CSNK1G1: variants seen among roughly 807,000 people sequenced by gnomAD.
CSNK1G1 encodes casein kinase I isoform gamma-1.
In CSNK1G1, 22 loss-of-function variants were observed where a neutral mutation model predicts 59.6. The ratio of observed to expected loss-of-function variants is 0.37; its 90% confidence interval spans 0.26 to 0.53. The LOEUF (loss-of-function observed/expected upper bound fraction) is 0.53, where lower values mean the gene tolerates loss of function less well. CSNK1G1 is among the 20% of genes least tolerant of loss of function. The pLI is 0.89. For missense variants in CSNK1G1, 384 were observed against 519.5 expected, an observed-to-expected ratio of 0.74 and a Z score of 2.54; for synonymous variants, 179 against 177.1, an observed-to-expected ratio of 1.01 and a Z score of -0.08.
rs1377928484 is a variant in CSNK1G1 at position 64,171,655 on chromosome 15, A to C, written c.*276T>G. Reference sequence around the variant, plus strand: ...GTGAATGACACCTTCACTGTAAACAATGGGAAGGAGAGTCAACCAGGCAGC... The same window carrying C: ...GTGAATGACACCTTCACTGTAAACACTGGGAAGGAGAGTCAACCAGGCAGC... On this transcript the variant is annotated 3_prime_UTR_variant, in exon 12 of 12. Transcript: ENST00000303052. This position sits in a 1 kb window ranked among gnomAD's most constrained non-coding sequence, Gnocchi z 4.8. 1 of 519,160 alleles carries C rather than the reference A, an allele frequency of 1.9e-6. No homozygotes were observed. Among genetic ancestry groups the C allele is most frequent in the South Asian group, 2.5e-5 (1 of 39,728 alleles). The allele number at this position is 519,160 out of a possible 1,614,324, so 32.2% of individuals were successfully genotyped here.
chr15:64,266,188 G>C (rs1309116505), intron 2 of CSNK1G1, among the ~76,000 whole-genome samples: 1 of 151,956 alleles, frequency 6.6e-6, no homozygotes, highest in Non-Finnish European at 1.5e-5. Context: ...TCAGCCTCCT[G>C]AGTAGCTGGG....
intron 1 of CSNK1G1, among the ~76,000 whole-genome samples, chr15:64,353,382 C>T (rs967282598): frequency 6.6e-6 from 1 of 152,156 alleles, no homozygotes; most frequent in Non-Finnish European, 1.5e-5. Flanking sequence ...TACGGTGGCT[C>T]ATGCCTGTAA....
intron 1 of CSNK1G1, among the ~76,000 whole-genome samples, chr15:64,316,202 AAAAC>A (rs60125774): frequency 0.87 from 129,933 of 149,674 alleles, 56,890 homozygotes; most frequent in South Asian, 0.96. Flanking sequence ...TTTGCTTTTT[AAAAC>A]AAACAAACAA....
chr15:64,309,037 C>A (rs1034757231), intron 1 of CSNK1G1, among the ~76,000 whole-genome samples: 16 of 152,076 alleles, frequency 1.1e-4, no homozygotes, highest in Non-Finnish European at 1.8e-4. Context: ...TTCCAAAGGG[C>A]CCTGGACCTG....
rs1010454996 is a variant in CSNK1G1, at chr15:64,241,605, C to A, written c.292+9907G>T. On this transcript the variant is annotated intron_variant, in intron 4 of 11. Coordinates refer to ENST00000303052, the MANE Select transcript of CSNK1G1 (RefSeq NM_022048.5). ...TTAAAATAAATGGTATAACAAATAT[C>A]TTTTCTGACCATAAGGAAATAAAAC... is the stretch of plus-strand genomic sequence containing the variant. Among the ~76,000 whole-genome samples, 5 of 152,098 alleles carry A rather than the reference C, an allele frequency of 3.3e-5. No homozygotes were observed. In the South Asian group the frequency reaches 8.3e-4, roughly 25 times the overall value.
intron 3 of CSNK1G1, among the ~76,000 whole-genome samples, chr15:64,255,168 C>T (rs1454863092): frequency 6.6e-6 from 1 of 152,132 alleles, no homozygotes; most frequent in Non-Finnish European, 1.5e-5. Context: ...CCTCCACCTC[C>T]CGGGTTCAAG....
intron 1 of CSNK1G1, among the ~76,000 whole-genome samples, chr15:64,348,098 T>C (rs1258380140): frequency 1.3e-5 from 2 of 151,744 alleles, no homozygotes; most frequent in African/African-American, 4.8e-5. Context: ...TGATTCTAAC[T>C]ATATGACATT....
Position 64,344,991 on chromosome 15 carries a change from AGT to A in CSNK1G1, c.-225+10995_-225+10996del, listed in dbSNP as rs529263196. The stretch of plus-strand genomic sequence containing the variant: ...AGAATCTAAGTGCTTTCACACAGAC[AGT>A]TCCTAGTTGACTTATTTAACTAGGT... On this transcript the variant is annotated intron_variant, in intron 1 of 11. Coordinates refer to ENST00000303052, the MANE Select transcript of CSNK1G1 (RefSeq NM_022048.5). 8.5e-5 allele frequency among the ~76,000 whole-genome samples: 13 copies of A among 152,356 alleles called. No individual in the cohort carries two copies. In the East Asian group the frequency reaches 2.5e-3, roughly 29 times the overall value.
intron 4 of CSNK1G1, among the ~76,000 whole-genome samples, chr15:64,242,377 T>G (rs1417876227): frequency 6.6e-6 from 1 of 152,160 alleles, no homozygotes; most frequent in Non-Finnish European, 1.5e-5. Flanking sequence ...TCATTAGATC[T>G]GGTCATTTTT....
chr15:64,189,588 G>A (rs1214105705), intron 10 of CSNK1G1: 2 of 523,694 alleles, frequency 3.8e-6, no homozygotes, highest in Admixed American at 1.1e-4. Context: ...ATGTGATATT[G>A]CTGCTCTGCA....
intron 10 of CSNK1G1, among the ~76,000 whole-genome samples, chr15:64,186,963 T>C (rs1016920091): frequency 4.0e-5 from 6 of 150,592 alleles, no homozygotes; most frequent in African/African-American, 1.5e-4. Flanking sequence ...GCTGGAACTA[T>C]AGGCATGCGC....
At chr15:64,322,259 A>T (rs2084581467) in intron 1 of CSNK1G1, among the ~76,000 whole-genome samples, 1 of 152,176 alleles carries the variant, frequency 6.6e-6, no homozygotes, top group African/African-American at 2.4e-5. Flanking sequence ...TATTTCTCCT[A>T]AAGCTGTTCA....
intron 2 of CSNK1G1, among the ~76,000 whole-genome samples, chr15:64,299,610 T>TAC (rs984674500): frequency 2.6e-4 from 40 of 150,976 alleles, no homozygotes; most frequent in African/African-American, 9.5e-4. Flanking sequence ...AAAAATTTTA[T>TAC]ATATATATAT....
intron 1 of CSNK1G1, among the ~76,000 whole-genome samples, chr15:64,316,053 G>A (rs987975039): frequency 1.3e-5 from 2 of 152,228 alleles, no homozygotes; most frequent in Non-Finnish European, 2.9e-5. Flanking sequence ...AACAGATAGG[G>A]TCTCGCTCTG....
chr15:64,265,675 A>C (rs1276837268), intron 2 of CSNK1G1: 4 of 354,006 alleles, frequency 1.1e-5, no homozygotes, highest in Admixed American at 3.7e-5. Context: ...AAAAAAAAAA[A>C]AACCTAGGAA....
At chr15:64,180,523 G>A in intron 10 of CSNK1G1, 69 bp from the exon 11 acceptor site, 1 of 1,279,104 alleles carries the variant, frequency 7.8e-7, no homozygotes, top group Admixed American at 1.7e-5. Context: ...GCGCCAGACA[G>A]GGTCGCTAAA....
intron 6 of CSNK1G1, among the ~76,000 whole-genome samples, chr15:64,208,973 C>T (rs1013364116): frequency 2.0e-5 from 3 of 151,702 alleles, no homozygotes; most frequent in Non-Finnish European, 4.4e-5. Flanking sequence ...TGCAGCCTCG[C>T]CCTCCTGGGC....
intron 10 of CSNK1G1, among the ~76,000 whole-genome samples, chr15:64,182,085 A>G (rs2081825441): frequency 1.1e-5 from 1 of 92,660 alleles, no homozygotes; most frequent in South Asian, 3.6e-4. Context: ...TTTTTGAGAG[A>G]GAGAGTCTTG....
chr15:64,203,397 T>C (rs1158438608), intron 9 of CSNK1G1, among the ~76,000 whole-genome samples: 1 of 152,008 alleles, frequency 6.6e-6, no homozygotes, highest in East Asian at 1.9e-4. Flanking sequence ...GTAGCTTACC[T>C]TCGAAAACAA....
Sources: allele counts gnomAD v4.1 joint callset (sites outside exome capture counted in the v4.1 genomes callset), GRCh38; gene constraint gnomAD v4.1.1; non-coding constraint Gnocchi (gnomAD v3.1); transcripts MANE v1.5; gene names NCBI Gene and HGNC (gene_info 2026-07-23, HGNC 2026-07-21).